Variants in ASPH observed in about 807,000 individuals in gnomAD.
The protein encoded by ASPH is aspartate beta-hydroxylase, also known as aspartyl/asparaginyl beta-hydroxylase.
A neutral mutation model predicts 118.4 loss-of-function variants in ASPH; 100 were observed. That is an observed-to-expected ratio of 0.84 (90% CI 0.72 to 1.00). The LOEUF is 1.00. Ranked by LOEUF, ASPH falls within the 50% of genes least tolerant of loss-of-function variation. ASPH has a pLI of 0.00. For missense variants in ASPH, 920 were observed against 919.5 expected (o/e 1.00, Z -0.01); for synonymous variants, 315 against 325.6 (o/e 0.97, Z 0.35).
At chr8:61,682,584 T>A in intron 2 of ASPH, 1 of 1,152,266 alleles carries the variant, frequency 8.7e-7, no homozygotes, top group Non-Finnish European at 1.3e-6. Context: ...CATATCACTG[T>A]AAGTCAGTCA....
Position 61,622,953 on chromosome 8 carries a change from AC to A in ASPH, c.935-3935del, listed in dbSNP as rs976011730. Among the ~76,000 whole-genome samples, 47 of 152,036 alleles carry A rather than the reference AC, an allele frequency of 3.1e-4. 2 individuals are homozygous for A. Among genetic ancestry groups the A allele is most frequent in the Non-Finnish European group, 1.3e-4 (9 of 67,996 alleles). On this transcript the variant is annotated intron_variant, in intron 13 of 24. Coordinates refer to ENST00000379454, the MANE Select transcript of ASPH (RefSeq NM_004318.4). ...GGGGCTAAAAACAACCTGTTCTAGA[AC>A]CCCAGGGGCTTCTTCCTTATTTAGT...
At chr8:61,676,419 G>A (rs920207432) in intron 3 of ASPH, 13 of 1,089,256 alleles carry the variant, frequency 1.2e-5, no homozygotes, top group Admixed American at 2.8e-5. Flanking sequence ...GTGCATCAAG[G>A]TCAGAGAGGT....
chr8:61,506,885 G>A (rs1031772006), intron 24 of ASPH, among the ~76,000 whole-genome samples: 4 of 152,156 alleles, frequency 2.6e-5, no homozygotes, highest in African/African-American at 9.7e-5. Flanking sequence ...CAAGGGAGAT[G>A]AGATATAAAA....
chr8:61,704,741 T>C lies in ASPH; in HGVS notation c.103+9528A>G, dbSNP rs111398767. 1.5e-4 allele frequency among the ~76,000 whole-genome samples: 23 copies of C among 152,278 alleles called. 1 individual carries two copies. The highest frequency in any genetic ancestry group is 5.5e-4 in the African/African-American group (23 of 41,558). On this transcript the variant is annotated intron_variant, in intron 1 of 24. Coordinates refer to ENST00000379454, the MANE Select transcript of ASPH (RefSeq NM_004318.4). ...AAAAAGTGCTTGACATCATTATTCA[T>C]CAGGGAATTGCAAATGTAAACTACA...
At chr8:61,624,393 C>A in intron 13 of ASPH, 2 of 985,198 alleles carry the variant, frequency 2.0e-6, no homozygotes, top group Non-Finnish European at 2.4e-6. Flanking sequence ...GTTAGAAATA[C>A]GTTAACTGGC....
chr8:61,665,327 T>G, intron 3 of ASPH: 2 of 1,613,842 alleles, frequency 1.2e-6, no homozygotes, highest in Non-Finnish European at 1.7e-6. Flanking sequence ...CTTTCTGTCA[T>G]CTTTGTCTCG....
chr8:61,646,675 G>T, intron 6 of ASPH, 75 bp downstream of exon 6: 1 of 1,430,082 alleles, frequency 7.0e-7, no homozygotes, highest in Non-Finnish European at 9.4e-7. Context: ...GTTTTAAAGG[G>T]GTTTAAGAAA....
intron 14 of ASPH, among the ~76,000 whole-genome samples, chr8:61,607,906 CAA>C (rs1309448788): frequency 1.3e-5 from 2 of 152,172 alleles, no homozygotes; most frequent in Admixed American, 6.5e-5. Flanking sequence ...GCAAAAATCT[CAA>C]AGAGGATAGT....
intron 13 of ASPH, among the ~76,000 whole-genome samples, chr8:61,619,597 ACAGT>A (rs1289460753): frequency 6.6e-6 from 1 of 152,172 alleles, no homozygotes; most frequent in Non-Finnish European, 1.5e-5. Flanking sequence ...TAAGTAAATC[ACAGT>A]CAGTGTCTCT....
intron 14 of ASPH, among the ~76,000 whole-genome samples, chr8:61,588,800 C>T (rs768278882): frequency 2.0e-5 from 3 of 152,122 alleles, no homozygotes; most frequent in Non-Finnish European, 2.9e-5. Context: ...ATCATGAAGA[C>T]GTACACAAAG....
rs1326607633 is a variant in ASPH, at chr8:61,714,518, G to A, written c.-147C>T. On this transcript the variant is annotated 5_prime_UTR_variant, in exon 1 of 25. Transcript: ENST00000379454. ...GCAGCAGACCCTGTGCCTCAGCACC[G>A]CCTGCAGCACCTGGGAAGACTTCAC... 3.4e-6 allele frequency: 4 copies of A among 1,188,720 alleles called. No individual in the cohort carries two copies. Among genetic ancestry groups the A allele is most frequent in the Non-Finnish European group, 4.3e-6 (4 of 922,234 alleles). The allele number at this position is 1,188,720 out of a possible 1,614,324, so 73.6% of individuals were successfully genotyped here.
At chr8:61,642,956 T>C in intron 9 of ASPH, 36 bp from the exon 10 acceptor site, 13 of 1,518,396 alleles carry the variant, frequency 8.6e-6, no homozygotes, top group Non-Finnish European at 1.2e-5. Context: ...AAAATAAGTA[T>C]TAACTGAGTC....
intron 3 of ASPH, chr8:61,676,306 A>T: frequency 6.3e-7 from 1 of 1,584,876 alleles, no homozygotes; most frequent in Non-Finnish European, 8.5e-7. Context: ...CATTACTGCC[A>T]TCTTTGGTCA....
chr8:61,533,505 G>A (rs1586667075), intron 21 of ASPH, among the ~76,000 whole-genome samples: 1 of 151,838 alleles, frequency 6.6e-6, no homozygotes, highest in Non-Finnish European at 1.5e-5. Flanking sequence ...TTAATGTTTC[G>A]TGATCCTTGG....
chr8:61,668,412 C>T, intron 3 of ASPH: 1 of 627,422 alleles, frequency 1.6e-6, no homozygotes, highest in Non-Finnish European at 2.7e-6. Flanking sequence ...TTAAAAAATA[C>T]TCCAATATCT....
intron 1 of ASPH, among the ~76,000 whole-genome samples, chr8:61,705,609 G>A (rs1836402446): frequency 6.6e-6 from 1 of 152,206 alleles, no homozygotes; most frequent in African/African-American, 2.4e-5. Context: ...GCTGCCTCTG[G>A]TGGCAGAGGT....
At chr8:61,693,569 A>C (rs573952337) in intron 1 of ASPH, among the ~76,000 whole-genome samples, 2 of 152,316 alleles carry the variant, frequency 1.3e-5, no homozygotes, top group African/African-American at 4.8e-5. Context: ...GACACAAGTC[A>C]AACCTGCTTA....
chr8:61,574,643 A>G (rs1201619451), intron 16 of ASPH, among the ~76,000 whole-genome samples: 1 of 152,204 alleles, frequency 6.6e-6, no homozygotes, highest in African/African-American at 2.4e-5. Context: ...GTGGGAGTTG[A>G]ACAATGAGAA....
intron 3 of ASPH, among the ~76,000 whole-genome samples, chr8:61,668,745 A>G (rs1000056968): frequency 3.3e-5 from 5 of 152,226 alleles, no homozygotes; most frequent in Non-Finnish European, 5.9e-5. Context: ...CTCTTCCACC[A>G]GTTCGCACTG....
Sources: allele counts gnomAD v4.1 joint callset (sites outside exome capture counted in the v4.1 genomes callset), GRCh38; gene constraint gnomAD v4.1.1; transcripts MANE v1.5; gene names NCBI Gene and HGNC (gene_info 2026-07-23, HGNC 2026-07-21).